The following ZNF425 variants were observed in gnomAD, a reference collection of about 807,000 sequenced individuals.
ZNF425 encodes the protein zinc finger protein 425.
A neutral mutation model predicts 17.0 loss-of-function variants in ZNF425; 21 were observed. The observed-to-expected ratio is 1.23, with a 90% CI of 0.88 to 1.78. The LOEUF (loss-of-function observed/expected upper bound fraction) is 1.78. Among genes scored for constraint, ZNF425 ranks in the 40% most tolerant of loss-of-function variants. The pLI is 0.00. For synonymous variants in ZNF425, 433 were observed against 384.1 expected, an observed-to-expected ratio of 1.13 and a Z score of -1.49; for missense variants, 868 against 967.3, an observed-to-expected ratio of 0.90 and a Z score of 1.36.
At chr7:149,107,142 T>C (rs1419264068) in intron 3 of ZNF425, among the ~76,000 whole-genome samples, 1 of 151,578 alleles carries the variant, frequency 6.6e-6, no homozygotes, top group East Asian at 1.9e-4. Flanking sequence ...GAGGACAGCT[T>C]AGGGCCATAT....
chr7:149,108,135 G>C (rs34154530), intron 3 of ZNF425, among the ~76,000 whole-genome samples: 2 of 151,970 alleles, frequency 1.3e-5, no homozygotes, highest in African/African-American at 4.8e-5. Context: ...GCCTCACAAA[G>C]TGCTGGGATT....
At chr7:149,117,931 C>T (rs9784999) in intron 2 of ZNF425, among the ~76,000 whole-genome samples, 7,759 of 151,966 alleles carry the variant, frequency 0.051, 204 homozygotes, top group Middle Eastern at 0.075. Context: ...GGATTACAGG[C>T]GTGAGCCACC....
chr7:149,112,941 A>G (rs531220677), intron 2 of ZNF425, among the ~76,000 whole-genome samples: 13 of 146,526 alleles, frequency 8.9e-5, no homozygotes, highest in Non-Finnish European at 1.8e-4. Flanking sequence ...CTGGGATTAT[A>G]GGGGTGAGCC....
At chr7:149,111,294 C>CA (rs1271094197) in intron 3 of ZNF425, among the ~76,000 whole-genome samples, 4 of 149,770 alleles carry the variant, frequency 2.7e-5, no homozygotes, top group African/African-American at 9.8e-5. Flanking sequence ...ACTAAAAATA[C>CA]AAAAAATTAG....
In ZNF425 at chr7:149,104,874, G is replaced by A. The variant is rs776432243; in HGVS notation, c.997C>T (p.Pro333Ser). ...LHSGEKPFQC[P>S]QCDRCFRLKR... ...AGGCGGAAGCACCGGTCACACTGCG[G>A]ACACTGGAAGGGCTTCTCTCCGCTG... The change falls in exon 4 of 4, where the codon CCG becomes TCG. Residue 333 changes from proline to serine, a missense_variant. Coordinates refer to ENST00000378061, the MANE Select transcript of ZNF425 (RefSeq NM_001001661.3). This position sits in a 1 kb window ranked among gnomAD's most constrained non-coding sequence, Gnocchi z 4.3. The A allele has an allele frequency of 3.7e-6, 6 of 1,613,616 alleles. No homozygotes were observed. The highest frequency in any genetic ancestry group is 4.2e-6 in the Non-Finnish European group (5 of 1,179,958).
chr7:149,126,184 G>C lies in ZNF425; in HGVS notation c.18+12C>G. The C allele has an allele frequency of 6.2e-7, 1 of 1,613,220 alleles. No individual in the cohort carries two copies. The highest frequency in any genetic ancestry group is 8.5e-7 in the Non-Finnish European group (1 of 1,179,680). On this transcript the variant is annotated intron_variant, in intron 1 of 3. Coordinates refer to ENST00000378061, the MANE Select transcript of ZNF425 (RefSeq NM_001001661.3). Reference sequence around the variant, plus strand: ...TTCGACAGAGCCTGCATCCTCCACCGGCCCTTCTTACCGAAGCCGGCTCGG... The same window carrying C: ...TTCGACAGAGCCTGCATCCTCCACCCGCCCTTCTTACCGAAGCCGGCTCGG...
At chr7:149,107,199 A>C (rs1474323641) in intron 3 of ZNF425, among the ~76,000 whole-genome samples, 1 of 152,044 alleles carries the variant, frequency 6.6e-6, no homozygotes, top group Non-Finnish European at 1.5e-5. Flanking sequence ...TTTCTGGAAG[A>C]AATGCTAATA....
At position 149,103,617 on chromosome 7, in the gene ZNF425, G is replaced by T. The variant is rs752221692; in HGVS notation, c.2254C>A (p.Leu752Ile). 1 of 1,600,294 alleles carries T rather than the reference G, an allele frequency of 6.2e-7. No individual in the cohort carries two copies. The highest frequency in any genetic ancestry group is 8.5e-7 in the Non-Finnish European group (1 of 1,174,384). The change falls in exon 4 of 4, where the codon CTC becomes ATC. Residue 752 changes from leucine to isoleucine, a missense_variant. This residue lies in a region of ZNF425 where 437 missense variants were observed against 444.2 expected (regional missense o/e 0.98). Coordinates refer to ENST00000378061, the MANE Select transcript of ZNF425 (RefSeq NM_001001661.3). ...AVHAKEKPSSL is the reference protein window; with the variant it reads ...AVHAKEKPSSI ...TGACTGCTGCATGGCCTGACCTAGA[G>T]GCTGGAGGGCTTCTCTTTGGCATGC... is the stretch of plus-strand genomic sequence containing the variant.
rs762961010 is a variant in ZNF425 at position 149,105,378 on chromosome 7, G to A, written c.493C>T (p.Pro165Ser). Residue 165 changes from proline (P) to serine (S), a missense_variant, in exon 4 of 4, where the codon CCA becomes TCA. Pro to Ser is a moderately conservative substitution (Grantham distance 74). Coordinates refer to ENST00000378061, the MANE Select transcript of ZNF425 (RefSeq NM_001001661.3). ...TTATGCCGCAGGTCTTTCTTGTCTG[G>A]ATCATATGCTGTGATGCTGACTTTT... The part of the protein sequence containing the change: ...NKKVSITAYD[P>S]DKKDLRHKPR... 2.5e-6 allele frequency: 4 copies of A among 1,606,932 alleles called. No homozygotes were observed. The highest frequency in any genetic ancestry group is 3.4e-6 in the Non-Finnish European group (4 of 1,177,602).
intron 1 of ZNF425, among the ~76,000 whole-genome samples, chr7:149,120,044 C>T (rs1203637148): frequency 2.6e-5 from 4 of 152,160 alleles, no homozygotes; most frequent in Non-Finnish European, 5.9e-5. Flanking sequence ...AAAGAGCTCC[C>T]TTGTTGCAAC....
intron 2 of ZNF425, among the ~76,000 whole-genome samples, chr7:149,114,028 A>AG (rs1411898639): frequency 2.6e-5 from 4 of 151,670 alleles, no homozygotes; most frequent in Non-Finnish European, 5.9e-5. Context: ...AAAAAAAAAA[A>AG]AAAAGACTGT....
intron 1 of ZNF425, 41 bp downstream of exon 1, chr7:149,126,155 G>C (rs755882955): frequency 2.5e-6 from 4 of 1,612,990 alleles, no homozygotes; most frequent in Non-Finnish European, 2.5e-6. Flanking sequence ...ACAGGGACCC[G>C]AGTTTCGACA....
At position 149,106,018 on chromosome 7, in the gene ZNF425, C is replaced by G. The variant is rs369637612; in HGVS notation, c.305-452G>C. ...TCGCCCAGGCTGGAGTGCAGTGGCA[C>G]AATCCTGGCTCACTGCATCCTCCAC... On this transcript the variant is annotated intron_variant, in intron 3 of 3. Coordinates refer to ENST00000378061, the MANE Select transcript of ZNF425 (RefSeq NM_001001661.3). Among the ~76,000 whole-genome samples the G allele has an allele frequency of 1.5e-4, 22 of 144,798 alleles. No individual in the cohort carries two copies. In the East Asian group the frequency reaches 3.9e-3, roughly 25 times the overall value. 95.0% of individuals were successfully genotyped at this position (144,798 alleles called of 152,430 possible). A position where few individuals can be genotyped will look rare whatever the true frequency, so the allele number is the denominator to read the frequency against.
rs770848398 is a variant in ZNF425, at chr7:149,118,241, G to C, written c.126C>G (p.Tyr42Ter). ...QMYKQEMKTNYETLDSLGYAF... is the reference protein window; with the variant it reads ...QMYKQEMKTN ...TCTTACCCAGGGAATCAAGGGTCTC[G>C]TAATTGGTCTTCATCTCTTGCTTAT... Residue 42 changes from tyrosine to a stop codon, truncating the protein, a stop_gained, in exon 2 of 4, where the codon TAC (tyrosine) becomes TAG (stop). Transcript: ENST00000378061. LOFTEE classifies it high-confidence loss of function. 1 of 1,613,940 alleles carries C rather than the reference G, an allele frequency of 6.2e-7. No individual in the cohort carries two copies. Among genetic ancestry groups the C allele is most frequent in the African/African-American group, 1.3e-5 (1 of 74,910 alleles).
At chr7:149,106,983 T>C (rs1487101807) in intron 3 of ZNF425, among the ~76,000 whole-genome samples, 1 of 151,758 alleles carries the variant, frequency 6.6e-6, no homozygotes, top group African/African-American at 2.4e-5. Flanking sequence ...TATGTGCGCC[T>C]GTAGTCCCAG....
At chr7:149,115,366 GT>G (rs1372933136) in intron 2 of ZNF425, among the ~76,000 whole-genome samples, 1 of 151,500 alleles carries the variant, frequency 6.6e-6, no homozygotes, top group Non-Finnish European at 1.5e-5. Context: ...TAAAAGAAGG[GT>G]TTTTTGCTGG....
At chr7:149,108,152 A>G (rs2129517897) in intron 3 of ZNF425, among the ~76,000 whole-genome samples, 1 of 152,170 alleles carries the variant, frequency 6.6e-6, no homozygotes, top group South Asian at 2.1e-4. Flanking sequence ...GATTACAGGC[A>G]TGAGCCACTG....
intron 3 of ZNF425, among the ~76,000 whole-genome samples, chr7:149,105,941 A>T (rs1047134140): frequency 1.5e-5 from 2 of 135,368 alleles, no homozygotes; most frequent in Admixed American, 8.1e-5. Flanking sequence ...GGCCTTTTTT[A>T]AAAAAAATTT....
chr7:149,126,232 G>C lies in ZNF425; in HGVS notation c.-19C>G. ...CGGCCATGGCGGTTCCGCACGAACC[G>C]GCCCTGCCTGGCACGGCCTCCCCTC... On this transcript the variant is annotated 5_prime_UTR_variant, in exon 1 of 4. Coordinates refer to ENST00000378061, the MANE Select transcript of ZNF425 (RefSeq NM_001001661.3). 6.2e-7 allele frequency: 1 copy of C among 1,609,608 alleles called. No homozygotes were observed. Among genetic ancestry groups the C allele is most frequent in the South Asian group, 1.1e-5 (1 of 90,466 alleles).
Sources: gnomAD v4.1 joint callset for allele counts (sites outside exome capture counted in the v4.1 genomes callset) on GRCh38, gnomAD v4.1.1 for gene constraint, gnomAD v4.1.1 regional missense constraint, Gnocchi (gnomAD v3.1) non-coding constraint, MANE v1.5 for transcripts, NCBI Gene and HGNC (gene_info 2026-07-23, HGNC 2026-07-21) for gene names.